The following UNC13B variants were observed in gnomAD, a reference collection of about 807,000 sequenced individuals.
UNC13B encodes protein unc-13 homolog B.
A neutral mutation model predicts 211.0 loss-of-function variants in UNC13B; 144 were observed. The observed-to-expected ratio is 0.68, with a 90% confidence interval of 0.60 to 0.78. The LOEUF is 0.78. UNC13B is among the 30% of genes least tolerant of loss of function. The pLI is 0.00. For synonymous variants in UNC13B, 709 were observed against 725.8 expected, an observed-to-expected ratio of 0.98 and a Z score of 0.37; for missense variants, 1,777 against 2,002.0, an observed-to-expected ratio of 0.89 and a Z score of 2.14.
intron 4 of UNC13B, among the ~76,000 whole-genome samples, chr9:35,237,147 T>C (rs2131532302): frequency 6.6e-6 from 1 of 152,324 alleles, no homozygotes; most frequent in South Asian, 2.1e-4. Flanking sequence ...AGACCATAAC[T>C]CAGCATCATT....
rs548112941 is a variant in UNC13B, at chr9:35,217,236, C to T, written c.23-10779C>T. Among the ~76,000 whole-genome samples, 12 of 152,216 alleles carry T rather than the reference C, an allele frequency of 7.9e-5. 1 individual carries two copies. The South Asian group carries it at 2.5e-3, about 32-fold the overall frequency. ...ACTAGGTGAAGGGTACATAGGACCT[C>T]TCTACTATTTTTGCAACTCCCTCTG... On this transcript the variant is annotated intron_variant, in intron 1 of 39. Transcript: ENST00000635942.
In UNC13B at chr9:35,398,207, A is replaced by C. The variant is rs1836015908; in HGVS notation, c.11755-4A>C. The C allele has an allele frequency of 6.2e-7, 1 of 1,612,972 alleles. No homozygotes were observed. The highest frequency in any genetic ancestry group is 1.7e-5 in the Admixed American group (1 of 59,924). The stretch of plus-strand genomic sequence containing the variant: ...AGACTCAACAGCTACATCTGTCCCC[A>C]AAGCCCTGCATCCTGATGAACAACG... On this transcript the variant is annotated splice_region_variant and splice_polypyrimidine_tract_variant and intron_variant, in intron 30 of 39. Transcript: ENST00000635942.
chr9:35,309,757 G>A (rs996507767), intron 9 of UNC13B, among the ~76,000 whole-genome samples: 2 of 152,164 alleles, frequency 1.3e-5, no homozygotes, highest in Middle Eastern at 3.2e-3. Flanking sequence ...CCAAAACTGA[G>A]CCTTGCCCTG....
chr9:35,231,778 G>A (rs1269417705), intron 3 of UNC13B, among the ~76,000 whole-genome samples: 1 of 152,034 alleles, frequency 6.6e-6, no homozygotes, highest in African/African-American at 2.4e-5. Context: ...GTATGACAAA[G>A]TTTAGTATAT....
Position 35,303,709 on chromosome 9 carries a change from A to T in UNC13B, c.4305A>T (p.Ala1435=), listed in dbSNP as rs1564123752. Residue 1435 remains alanine (A), a synonymous_variant, in exon 9 of 40, where the codon GCA becomes GCT. Transcript: ENST00000635942. The part of the protein sequence containing the change: ...DLPYESFNQL[A]FNEDYLLRGD... ...CATATGAATCATTCAATCAGTTAGC[A>T]TTTAATGAAGATTACTTATTAAGAG... 10 of 398,658 alleles carry T rather than the reference A, an allele frequency of 2.5e-5. No individual in the cohort carries two copies. Among genetic ancestry groups the T allele is most frequent in the Non-Finnish European group, 4.4e-6 (1 of 225,852 alleles). The allele number at this position is 398,658 out of a possible 1,614,324, so 24.7% of individuals were successfully genotyped here. A position where few individuals can be genotyped will look rare whatever the true frequency, so the allele number is the denominator to read the frequency against.
At chr9:35,261,958 CT>C (rs1411927791) in intron 7 of UNC13B, among the ~76,000 whole-genome samples, 2 of 151,206 alleles carry the variant, frequency 1.3e-5, no homozygotes, top group African/African-American at 4.8e-5. Context: ...GGATCTCATT[CT>C]TTTTTTTTAT....
intron 36 of UNC13B, among the ~76,000 whole-genome samples, chr9:35,400,018 TG>T (rs1836185724): frequency 6.6e-6 from 1 of 152,214 alleles, no homozygotes; most frequent in Admixed American, 6.5e-5. Context: ...AGAGCACTTT[TG>T]GTTCTTCTCC....
chr9:35,400,539 G>T, intron 37 of UNC13B, 96 bp downstream of exon 37: 1 of 1,418,264 alleles, frequency 7.1e-7, no homozygotes, highest in Non-Finnish European at 9.4e-7. Flanking sequence ...AGCAGATCCA[G>T]TTACTTCTTC....
intron 3 of UNC13B, among the ~76,000 whole-genome samples, chr9:35,232,839 T>C (rs1825290288): frequency 6.6e-6 from 1 of 151,930 alleles, no homozygotes. Flanking sequence ...AGAGAATGTG[T>C]ATGGTGAGAA....
Position 35,303,236 on chromosome 9 carries a change from C to T in UNC13B, c.3832C>T (p.Gln1278Ter), listed in dbSNP as rs1449439816. 7.5e-6 allele frequency: 3 copies of T among 398,572 alleles called. No homozygotes were observed. In the East Asian group the frequency reaches 1.1e-4, roughly 14 times the overall value. The allele number at this position is 398,572 out of a possible 1,614,324, so 24.7% of individuals were successfully genotyped here. ...NHYCSPTEKN[Q>*]QSEKHHPSSE... ...TTATTGTTCCCCTACAGAGAAAAAC[C>T]AGCAAAGTGAAAAGCATCACCCCTC... The change falls in exon 9 of 40, where the codon CAG (glutamine) becomes TAG (stop). Residue 1278 changes from glutamine (Q) to a stop codon, truncating the protein, a stop_gained. Transcript: ENST00000635942. LOFTEE classifies it high-confidence loss of function.
intron 11 of UNC13B, among the ~76,000 whole-genome samples, chr9:35,316,501 A>G (rs561723044): frequency 3.4e-4 from 51 of 152,008 alleles, no homozygotes; most frequent in Admixed American, 1.2e-3. Flanking sequence ...TTATTTGTAT[A>G]TAGATGTGCG....
chr9:35,236,727 G>A, intron 4 of UNC13B, 141 bp downstream of exon 4: 1 of 762,082 alleles, frequency 1.3e-6, no homozygotes, highest in East Asian at 2.5e-5. Context: ...CAACCTGCCT[G>A]TTCCTAACTT....
intron 1 of UNC13B, among the ~76,000 whole-genome samples, chr9:35,197,821 T>C (rs905172789): frequency 2.6e-5 from 4 of 152,210 alleles, no homozygotes; most frequent in African/African-American, 7.2e-5. Context: ...CCTTCCGCCA[T>C]GATCCTAAGT....
chr9:35,307,931 T>C lies in UNC13B; in HGVS notation c.8527T>C (p.Phe2843Leu). The change falls in exon 9 of 40, where the codon TTT becomes CTT. Residue 2843 changes from phenylalanine to leucine, a missense_variant. Coordinates refer to ENST00000635942, the MANE Select transcript of UNC13B (RefSeq NM_001371189.2). Reference sequence around the variant, plus strand: ...AGGATTTGGAAAGGTAGATCTTTCATTTCCATGGCCAAAAGAGAACAAAGG... The same window carrying C: ...AGGATTTGGAAAGGTAGATCTTTCACTTCCATGGCCAAAAGAGAACAAAGG... ...KLGFGKVDLS[F>L]PWPKENKGVP... 1 of 398,984 alleles carries C rather than the reference T, an allele frequency of 2.5e-6. No individual in the cohort carries two copies. The highest frequency in any genetic ancestry group is 4.4e-6 in the Non-Finnish European group (1 of 226,102). The allele number at this position is 398,984 out of a possible 1,614,324, so 24.7% of individuals were successfully genotyped here.
intron 7 of UNC13B, among the ~76,000 whole-genome samples, chr9:35,271,080 A>G (rs545584613): frequency 6.9e-6 from 1 of 144,266 alleles, no homozygotes; most frequent in South Asian, 2.3e-4. Flanking sequence ...TGGAGGTTTT[A>G]GTGAGCCGAG....
intron 1 of UNC13B, among the ~76,000 whole-genome samples, chr9:35,163,085 G>A (rs1225492645): frequency 6.6e-6 from 1 of 152,150 alleles, no homozygotes; most frequent in African/African-American, 2.4e-5. Context: ...CGTAGTAGAA[G>A]CTTAATGCTG....
chr9:35,305,519 G>A lies in UNC13B; in HGVS notation c.6115G>A (p.Gly2039Arg), dbSNP rs1238751216. Reference protein sequence around the residue: ...NFPAAPISSKGKARVRRLNKQ... With the variant: ...NFPAAPISSKRKARVRRLNKQ... ...TCCTGCTGCACCAATTTCCTCTAAA[G>A]GGAAGGCTAGAGTTAGAAGACTGAA... is the stretch of plus-strand genomic sequence containing the variant. Residue 2039 changes from glycine to arginine, a missense_variant, in exon 9 of 40, where the codon GGG becomes AGG. By Grantham distance (125) the Gly-to-Arg change is moderately radical. Transcript: ENST00000635942. The A allele has an allele frequency of 7.5e-6, 3 of 398,880 alleles. No individual in the cohort carries two copies. Among genetic ancestry groups the A allele is most frequent in the African/African-American group, 6.2e-5 (3 of 48,624 alleles). 24.7% of individuals were successfully genotyped at this position (398,880 alleles called of 1,614,324 possible). A position where few individuals can be genotyped will look rare whatever the true frequency, so the allele number is the denominator to read the frequency against.
intron 6 of UNC13B, among the ~76,000 whole-genome samples, chr9:35,249,006 C>G (rs996753960): frequency 1.3e-5 from 2 of 152,130 alleles, no homozygotes; most frequent in Non-Finnish European, 2.9e-5. Context: ...CTTTGTAGGT[C>G]TCTAAGGACT....
At chr9:35,165,659 T>C (rs1012850602) in intron 1 of UNC13B, among the ~76,000 whole-genome samples, 2 of 151,998 alleles carry the variant, frequency 1.3e-5, no homozygotes, top group Admixed American at 6.6e-5. Context: ...CCTCGTGATC[T>C]GCCCACCTCG....
Sources: allele counts gnomAD v4.1 joint callset (sites outside exome capture counted in the v4.1 genomes callset), GRCh38; gene constraint gnomAD v4.1.1; transcripts MANE v1.5; gene names NCBI Gene and HGNC (gene_info 2026-07-23, HGNC 2026-07-21).